Variants in FBXL13 observed in about 807,000 individuals in gnomAD.
FBXL13 encodes F-box and leucine rich repeat protein 13.
Under a neutral mutation model 83.6 loss-of-function variants are expected in FBXL13, and 67 were observed. That is an observed-to-expected ratio of 0.80 (90% CI 0.66 to 0.98). The LOEUF (loss-of-function observed/expected upper bound fraction) is 0.98. Ranked by LOEUF, FBXL13 falls within the 50% of genes least tolerant of loss-of-function variation. The probability of loss-of-function intolerance (pLI) is 0.00; values close to 1 mark genes in which losing one functional copy is unlikely to be tolerated. For missense variants in FBXL13, 822 were observed against 866.5 expected (o/e 0.95, Z 0.64); for synonymous variants, 272 against 299.5 (o/e 0.91, Z 0.95).
intron 6 of FBXL13, among the ~76,000 whole-genome samples, chr7:103,022,111 A>G (rs1251601946): frequency 1.3e-5 from 2 of 152,222 alleles, no homozygotes; most frequent in Non-Finnish European, 2.9e-5. Context: ...CTGGATTAAG[A>G]AAATGTGGCA....
exon 4 of FBXL13, chr7:103,028,717 T>C: frequency 1.2e-6 from 2 of 1,601,276 alleles, no homozygotes; most frequent in Non-Finnish European, 8.5e-7. Context: ...AGGACGACAT[T>C]TTCATTTGTA....
At chr7:103,001,945 C>A (rs1454188937) in intron 6 of FBXL13, among the ~76,000 whole-genome samples, 1 of 152,292 alleles carries the variant, frequency 6.6e-6, no homozygotes, top group Non-Finnish European at 1.5e-5. Context: ...CCCTAATAAA[C>A]TCCCTTTTAT....
At chr7:102,813,920 A>C (rs1386409431) in intron 19 of FBXL13, among the ~76,000 whole-genome samples, 1 of 152,086 alleles carries the variant, frequency 6.6e-6, no homozygotes, top group Non-Finnish European at 1.5e-5. Context: ...CCAGGCCAGG[A>C]GCTCTTAACC....
At chr7:103,003,188 C>T (rs1031154595) in intron 6 of FBXL13, among the ~76,000 whole-genome samples, 2 of 151,672 alleles carry the variant, frequency 1.3e-5, no homozygotes, top group Non-Finnish European at 2.9e-5. Flanking sequence ...CTATTGAGAG[C>T]CTCTAATGCA....
At chr7:102,959,145 T>G (rs536854318) in intron 8 of FBXL13, among the ~76,000 whole-genome samples, 1 of 152,170 alleles carries the variant, frequency 6.6e-6, no homozygotes, top group African/African-American at 2.4e-5. Context: ...GACAAGCTAT[T>G]AAAACCAAGA....
chr7:102,964,838 G>A (rs1157940661), intron 7 of FBXL13, among the ~76,000 whole-genome samples: 1 of 152,110 alleles, frequency 6.6e-6, no homozygotes, highest in African/African-American at 2.4e-5. Flanking sequence ...TTTTATTAAC[G>A]AAAGATAGGA....
At chr7:102,912,107 A>C (rs970432741) in intron 11 of FBXL13, among the ~76,000 whole-genome samples, 1 of 152,194 alleles carries the variant, frequency 6.6e-6, no homozygotes, top group African/African-American at 2.4e-5. Flanking sequence ...AAACTGTACT[A>C]GTACCATGTG....
intron 10 of FBXL13, among the ~76,000 whole-genome samples, chr7:102,916,355 G>A (rs1477087141): frequency 1.3e-5 from 2 of 151,974 alleles, no homozygotes; most frequent in East Asian, 3.9e-4. Flanking sequence ...ATCCTCTTGG[G>A]GGAATCCACT....
At chr7:103,073,383 T>G (rs990650485) in intron 1 of FBXL13, among the ~76,000 whole-genome samples, 4 of 152,010 alleles carry the variant, frequency 2.6e-5, no homozygotes, top group Admixed American at 6.6e-5. Context: ...CTTGGGAGGA[T>G]GAGGTGGGAG....
intron 6 of FBXL13, among the ~76,000 whole-genome samples, chr7:102,993,599 A>AG (rs953818149): frequency 3.3e-5 from 5 of 152,082 alleles, no homozygotes; most frequent in African/African-American, 1.2e-4. Context: ...ACTACACAGA[A>AG]GGAAAAAAAA....
At chr7:102,934,598 A>T (rs780398889) in intron 8 of FBXL13, 1 of 1,614,096 alleles carries the variant, frequency 6.2e-7, no homozygotes, top group South Asian at 1.1e-5. Flanking sequence ...AGTGTCAGGG[A>T]GACCCCCAGT....
chr7:102,997,604 C>T (rs1399505689), intron 6 of FBXL13, among the ~76,000 whole-genome samples: 14 of 152,168 alleles, frequency 9.2e-5, no homozygotes, highest in Admixed American at 7.2e-4. Flanking sequence ...CTGGTAACCA[C>T]CAATATATCC....
chr7:102,829,032 C>G (rs991902378), intron 18 of FBXL13, among the ~76,000 whole-genome samples: 3 of 152,176 alleles, frequency 2.0e-5, no homozygotes, highest in African/African-American at 7.2e-5. Flanking sequence ...AACAGCCAGG[C>G]TCTGTTCCAG....
chr7:102,831,692 A>ATT (rs1010751358), intron 18 of FBXL13, among the ~76,000 whole-genome samples: 1 of 151,580 alleles, frequency 6.6e-6, no homozygotes, highest in Non-Finnish European at 1.5e-5. Flanking sequence ...TGTAAATCAG[A>ATT]TTTTTTTTTC....
intron 18 of FBXL13, among the ~76,000 whole-genome samples, chr7:102,826,863 G>A (rs552667465): frequency 1.0e-3 from 149 of 145,104 alleles, no homozygotes; most frequent in African/African-American, 3.4e-3. Flanking sequence ...ATATTTCCAA[G>A]AGAGGGAGAG....
At chr7:102,877,493 G>A (rs879360019) in exon 16 of FBXL13, 28 of 1,609,342 alleles carry the variant, frequency 1.7e-5, no homozygotes, top group Non-Finnish European at 2.0e-5. Flanking sequence ...GTTCCAGAGA[G>A]ATCTATTGAT....
At chr7:102,911,338 A>G (rs921534300) in intron 11 of FBXL13, among the ~76,000 whole-genome samples, 3 of 152,210 alleles carry the variant, frequency 2.0e-5, no homozygotes, top group Non-Finnish European at 4.4e-5. Context: ...TGATAAGAAG[A>G]AGGAGGTAAG....
chr7:103,015,657 T>C (rs1341292623), intron 6 of FBXL13, among the ~76,000 whole-genome samples: 2 of 151,652 alleles, frequency 1.3e-5, no homozygotes, highest in African/African-American at 4.8e-5. Context: ...ACTAGCTGGG[T>C]TTGGTGGCCC....
At chr7:102,992,580 T>G (rs924341554) in intron 6 of FBXL13, among the ~76,000 whole-genome samples, 3 of 152,184 alleles carry the variant, frequency 2.0e-5, no homozygotes, top group Admixed American at 1.3e-4. Context: ...TCATGAAAAC[T>G]TTAGATCAAA....
Sources: allele counts gnomAD v4.1 joint callset (sites outside exome capture counted in the v4.1 genomes callset), GRCh38; gene constraint gnomAD v4.1.1; transcripts MANE v1.5; gene names NCBI Gene and HGNC (gene_info 2026-07-23, HGNC 2026-07-21).